The following CLGN variants were observed in gnomAD, a reference collection of about 807,000 sequenced individuals.
CLGN encodes the protein calmegin.
A neutral mutation model predicts 79.1 loss-of-function variants in CLGN; 62 were observed. The ratio of observed to expected loss-of-function variants is 0.78; its 90% CI spans 0.64 to 0.97. The LOEUF (loss-of-function observed/expected upper bound fraction) is 0.97. CLGN is among the 50% of genes least tolerant of loss of function. CLGN has a pLI of 0.00. For synonymous variants in CLGN, 225 were observed against 224.7 expected, an observed-to-expected ratio of 1.00 and a Z score of -0.01; for missense variants, 647 against 715.5, an observed-to-expected ratio of 0.90 and a Z score of 1.09.
chr4:140,391,354 C>T (rs1173114282), intron 13 of CLGN, among the ~76,000 whole-genome samples: 1 of 151,724 alleles, frequency 6.6e-6, no homozygotes, highest in Non-Finnish European at 1.5e-5. Context: ...CCCTCCGATA[C>T]TTAAATTCCC....
chr4:140,407,272 C>A (rs368050398), intron 4 of CLGN, among the ~76,000 whole-genome samples: 2 of 152,062 alleles, frequency 1.3e-5, no homozygotes, highest in African/African-American at 4.8e-5. Context: ...TGCCTCTCGC[C>A]CCCTATAAAG....
In CLGN at chr4:140,395,939, T is replaced by C; in HGVS notation, c.1029A>G (p.Ala343=). The change falls in exon 10 of 15, where the codon GCA becomes GCG. Residue 343 remains alanine, a synonymous_variant. Coordinates refer to ENST00000325617, the MANE Select transcript of CLGN (RefSeq NM_004362.3). ...GACATGCTGGATTAAGAATCTGAGG[T>C]GCCTCCCATTCTCCATCCGTGTCTT... ...WNEDTDGEWE[A]PQILNPACRI... 1 of 1,600,816 alleles carries C rather than the reference T, an allele frequency of 6.2e-7. No homozygotes were observed.
In CLGN at chr4:140,396,026, A is replaced by G. The variant is rs1728867074; in HGVS notation, c.999-57T>C. On this transcript the variant is annotated intron_variant, in intron 9 of 14. Transcript: ENST00000325617. ...ACCTCAAGTCTCAGATCAGTCATAT[A>G]AACTAGTAACAAAAATGCATGTAAG... 5 of 1,610,038 alleles carry G rather than the reference A, an allele frequency of 3.1e-6. No individual in the cohort carries two copies. The Admixed American group carries it at 6.7e-5, about 22-fold the overall frequency.
rs60198755 is a variant in CLGN, at chr4:140,425,622, C to CTTTT, written c.-10+1911_-10+1914dup. 8.2e-4 allele frequency among the ~76,000 whole-genome samples: 80 copies of CTTTT among 97,176 alleles called. 1 individual carries two copies. Among genetic ancestry groups the CTTTT allele is most frequent in the Non-Finnish European group, 9.6e-4 (50 of 52,276 alleles). 63.8% of individuals were successfully genotyped at this position (97,176 alleles called of 152,430 possible). ...TTTCTGTGACACATTTTTGTAATTC[C>CTTTT]TTTTTTTTTTTTTTTTTTTTTTTTG... On this transcript the variant is annotated intron_variant, in intron 1 of 14. Coordinates refer to ENST00000325617, the MANE Select transcript of CLGN (RefSeq NM_004362.3).
chr4:140,390,615 T>C lies in CLGN; in HGVS notation c.1752+13A>G. ...TAACAACTATACATAGAAACCAGCTTATTTTCTGTTACCTCATCCTCTGAC... is the reference window on the plus strand; with the variant it reads ...TAACAACTATACATAGAAACCAGCTCATTTTCTGTTACCTCATCCTCTGAC... On this transcript the variant is annotated intron_variant, in intron 14 of 14. Coordinates refer to ENST00000325617, the MANE Select transcript of CLGN (RefSeq NM_004362.3). The C allele has an allele frequency of 6.4e-7, 1 of 1,558,426 alleles. No homozygotes were observed. Among genetic ancestry groups the C allele is most frequent in the Non-Finnish European group, 8.7e-7 (1 of 1,147,464 alleles).
chr4:140,411,888 A>T (rs995099292), intron 2 of CLGN, among the ~76,000 whole-genome samples: 4 of 151,984 alleles, frequency 2.6e-5, no homozygotes, highest in African/African-American at 9.7e-5. Context: ...TTTATACTTC[A>T]CCCTATGTAG....
intron 2 of CLGN, among the ~76,000 whole-genome samples, chr4:140,410,992 A>C (rs1729199864): frequency 6.6e-6 from 1 of 152,096 alleles, no homozygotes; most frequent in Admixed American, 6.5e-5. Context: ...TAGGCTTTTA[A>C]AATTAACTCT....
intron 13 of CLGN, 36 bp from the exon 14 acceptor site, chr4:140,390,764 T>C (rs1447094089): frequency 7.1e-7 from 1 of 1,411,198 alleles, no homozygotes. Context: ...AAAGACTCAA[T>C]AAATTAGAAT....
At chr4:140,417,439 T>C in intron 1 of CLGN, among the ~76,000 whole-genome samples, 1 of 140,738 alleles carries the variant, frequency 7.1e-6, no homozygotes, top group Non-Finnish European at 1.5e-5. Context: ...CATGATTGTA[T>C]ATCTAGAAAA....
intron 4 of CLGN, among the ~76,000 whole-genome samples, chr4:140,406,801 A>C (rs1729117007): frequency 6.6e-6 from 1 of 152,248 alleles, no homozygotes; most frequent in Non-Finnish European, 1.5e-5. Flanking sequence ...CCTATAGCCC[A>C]AAAGTTATAT....
At chr4:140,400,836 T>TATATTGATTACTATGTAAATC (rs927049667) in intron 6 of CLGN, among the ~76,000 whole-genome samples, 2 of 152,154 alleles carry the variant, frequency 1.3e-5, no homozygotes, top group African/African-American at 4.8e-5. Context: ...TCTATATTAC[T>TATATTGATTACTATGTAAATC]AATATTTTTA....
At chr4:140,406,823 C>T (rs1018225951) in intron 4 of CLGN, among the ~76,000 whole-genome samples, 2 of 152,192 alleles carry the variant, frequency 1.3e-5, no homozygotes, top group Admixed American at 6.5e-5. Flanking sequence ...TTAGACTTTA[C>T]TCCTTTACTG....
chr4:140,398,524 C>T (rs1332258128), intron 8 of CLGN, among the ~76,000 whole-genome samples: 1 of 151,942 alleles, frequency 6.6e-6, no homozygotes, highest in Admixed American at 6.6e-5. Context: ...CCACCTCGGA[C>T]TCTCACACAC....
Position 140,392,662 on chromosome 4 carries a change from A to G in CLGN, c.1415T>C (p.Leu472Pro), listed in dbSNP as rs1308339609. ...LMAAAEGHPWLWLIYLVTAGV... is the reference protein window; with the variant it reads ...LMAAAEGHPWPWLIYLVTAGV... ...TGCTGTCACAAGATAAATCAACCAA[A>G]GCCATGGGTGCCCTTCAGCAGCTGC... The change falls in exon 12 of 15, where the codon CTT becomes CCT. Residue 472 changes from leucine (L) to proline (P), a missense_variant. Transcript: ENST00000325617. 7 of 1,610,944 alleles carry G rather than the reference A, an allele frequency of 4.3e-6. No individual in the cohort carries two copies. The highest frequency in any genetic ancestry group is 5.9e-6 in the Non-Finnish European group (7 of 1,178,708).
intron 5 of CLGN, 82 bp from the exon 6 acceptor site, chr4:140,402,148 A>G (rs1578597695): frequency 1.4e-6 from 1 of 692,836 alleles, no homozygotes; most frequent in African/African-American, 1.9e-5. Flanking sequence ...ATTATTCTCA[A>G]TTCATGTAAG....
Position 140,389,263 on chromosome 4 carries a change from C to T in CLGN, c.1794G>A (p.Pro598=), listed in dbSNP as rs529101116. The T allele has an allele frequency of 9.3e-6, 15 of 1,612,378 alleles. No homozygotes were observed. The highest frequency in any genetic ancestry group is 7.7e-5 in the South Asian group (7 of 91,022). ...ADESTGSGDG[P]IKSVRKRRVR... The stretch of plus-strand genomic sequence containing the variant: ...CTCTTCTTTTGCGTACTGACTTTAT[C>T]GGCCCATCTCCAGATCCTGTGCTCT... Residue 598 remains proline (P), a synonymous_variant, in exon 15 of 15, where the codon CCG becomes CCA. Coordinates refer to ENST00000325617, the MANE Select transcript of CLGN (RefSeq NM_004362.3).
chr4:140,400,921 A>C (rs1299015064), intron 6 of CLGN, among the ~76,000 whole-genome samples: 3 of 152,180 alleles, frequency 2.0e-5, no homozygotes, highest in Non-Finnish European at 4.4e-5. Context: ...ACTATTACTT[A>C]GGAAGATACC....
rs182429918 is a variant in CLGN at position 140,413,380 on chromosome 4, C to T, written c.-9-293G>A. On this transcript the variant is annotated intron_variant, in intron 1 of 14. Coordinates refer to ENST00000325617, the MANE Select transcript of CLGN (RefSeq NM_004362.3). The stretch of plus-strand genomic sequence containing the variant: ...AAGATGGCCGAATAGGAACAGCTCC[C>T]GTCTACAGCTCCCAGTGTGAGCGAC... Among the ~76,000 whole-genome samples, 14 of 152,270 alleles carry T rather than the reference C, an allele frequency of 9.2e-5. No homozygotes were observed. The East Asian group carries it at 1.9e-3, about 21-fold the overall frequency.
intron 1 of CLGN, among the ~76,000 whole-genome samples, chr4:140,414,913 T>C (rs1729295655): frequency 6.7e-6 from 1 of 149,668 alleles, no homozygotes; most frequent in Admixed American, 6.6e-5. Context: ...TTCACCAAAG[T>C]TGAAATGAAG....
Sources: gnomAD v4.1 joint callset for allele counts (sites outside exome capture counted in the v4.1 genomes callset) on GRCh38, gnomAD v4.1.1 for gene constraint, MANE v1.5 for transcripts, NCBI Gene and HGNC (gene_info 2026-07-23, HGNC 2026-07-21) for gene names.